The following PRKCE variants were observed in gnomAD, a reference collection of about 807,000 sequenced individuals.
PRKCE encodes the protein protein kinase C epsilon, also known as protein kinase C epsilon type.
A neutral mutation model predicts 85.4 loss-of-function variants in PRKCE; 16 were observed. The observed-to-expected ratio is 0.19, with a 90% CI of 0.13 to 0.28. The LOEUF (loss-of-function observed/expected upper bound fraction) is 0.28, where lower values mean the gene tolerates loss of function less well. Ranked by LOEUF, PRKCE falls within the 10% of genes least tolerant of loss-of-function variation. PRKCE has a pLI of 1.00. For missense variants in PRKCE, 573 were observed against 975.2 expected (o/e 0.59, Z 5.49); for synonymous variants, 388 against 371.5 (o/e 1.04, Z -0.51).
In PRKCE at chr2:45,885,000, TA is replaced by T. The variant is rs1325363332; in HGVS notation, c.412+41938del. On this transcript the variant is annotated intron_variant, in intron 2 of 14. Transcript: ENST00000306156. ...ATATATATATATATATATATATATATATTTGTTGTTGTTGTTGTTGTTTTAC... is the reference window on the plus strand; with the variant it reads ...ATATATATATATATATATATATATATTTTGTTGTTGTTGTTGTTGTTTTAC... Among the ~76,000 whole-genome samples, 250 of 72,322 alleles carry T rather than the reference TA, an allele frequency of 3.5e-3. 16 individuals carry two copies. The highest frequency in any genetic ancestry group is 9.5e-3 in the African/African-American group (202 of 21,370). 47.4% of individuals were successfully genotyped at this position (72,322 alleles called of 152,430 possible). A position where few individuals can be genotyped will look rare whatever the true frequency, so the allele number is the denominator to read the frequency against.
chr2:46,089,816 G>A (rs570538634), intron 11 of PRKCE, among the ~76,000 whole-genome samples: 4 of 152,188 alleles, frequency 2.6e-5, no homozygotes, highest in African/African-American at 7.2e-5. Flanking sequence ...TGACCTTTTG[G>A]CCCTTATCCC....
In PRKCE at chr2:46,109,723, A is replaced by G. The variant is rs139949754; in HGVS notation, c.1592+23361A>G. ...TTTCTTGTTTTATCACACTCACTAG[A>G]ACTCCAGTACAATGTTGAATAGGAA... is the stretch of plus-strand genomic sequence containing the variant. On this transcript the variant is annotated intron_variant, in intron 11 of 14. Coordinates refer to ENST00000306156, the MANE Select transcript of PRKCE (RefSeq NM_005400.3). 5.6e-3 allele frequency among the ~76,000 whole-genome samples: 858 copies of G among 152,194 alleles called. 10 individuals are homozygous for G. The highest frequency in any genetic ancestry group is 0.02 in the African/African-American group (815 of 41,536).
intron 1 of PRKCE, among the ~76,000 whole-genome samples, chr2:45,733,255 C>T (rs1253088072): frequency 1.3e-5 from 2 of 152,064 alleles, no homozygotes; most frequent in African/African-American, 4.8e-5. Context: ...CTGGCCCTGT[C>T]CTGGTACACA....
At chr2:45,939,946 C>G (rs1699759735) in intron 2 of PRKCE, among the ~76,000 whole-genome samples, 1 of 152,224 alleles carries the variant, frequency 6.6e-6, no homozygotes, top group African/African-American at 2.4e-5. Flanking sequence ...CCTCACCATA[C>G]TGGGCTGGCA....
chr2:45,877,764 T>G (rs566954615), intron 2 of PRKCE, among the ~76,000 whole-genome samples: 5 of 152,198 alleles, frequency 3.3e-5, no homozygotes, highest in Non-Finnish European at 7.3e-5. Flanking sequence ...CCTTTGAAAC[T>G]GATCCAATAG....
intron 1 of PRKCE, among the ~76,000 whole-genome samples, chr2:45,659,852 C>A (rs1236546596): frequency 8.1e-6 from 1 of 122,710 alleles, no homozygotes; most frequent in Non-Finnish European, 1.8e-5. Flanking sequence ...TTTTTTTTTA[C>A]TCTTTACTCT....
chr2:45,821,273 T>C (rs191083119), intron 1 of PRKCE, among the ~76,000 whole-genome samples: 2 of 152,288 alleles, frequency 1.3e-5, no homozygotes, highest in South Asian at 4.1e-4. Flanking sequence ...CAAGTGGAGG[T>C]AATTATCTCC....
chr2:45,690,412 A>ACACTGGTCCATATGTCAGC (rs1005413034), intron 1 of PRKCE, among the ~76,000 whole-genome samples: 16 of 152,218 alleles, frequency 1.1e-4, no homozygotes, highest in Non-Finnish European at 2.1e-4. Context: ...GGGGCTGAAA[A>ACACTGGTCCATATGTCAGC]CACTGGTCCA....
chr2:46,043,424 G>A (rs191646787), intron 10 of PRKCE, among the ~76,000 whole-genome samples: 27 of 152,228 alleles, frequency 1.8e-4, no homozygotes, highest in African/African-American at 4.6e-4. Context: ...TTTTTTTTAA[G>A]TAACATTTGA....
chr2:45,719,945 A>G (rs1052330940), intron 1 of PRKCE, among the ~76,000 whole-genome samples: 2 of 152,150 alleles, frequency 1.3e-5, no homozygotes, highest in East Asian at 1.9e-4. Flanking sequence ...AACAACGACA[A>G]CAACAACAAA....
chr2:45,901,667 C>A (rs1302763202), intron 2 of PRKCE, among the ~76,000 whole-genome samples: 1 of 152,178 alleles, frequency 6.6e-6, no homozygotes, highest in African/African-American at 2.4e-5. Flanking sequence ...CTGATTCGTA[C>A]AATGTGTTTA....
intron 2 of PRKCE, among the ~76,000 whole-genome samples, chr2:45,892,197 TG>T (rs1695772563): frequency 6.6e-6 from 1 of 152,230 alleles, no homozygotes; most frequent in African/African-American, 2.4e-5. Context: ...ACTCAGGTTC[TG>T]CTGACCTCCC....
chr2:45,787,901 A>T (rs2105063702), intron 1 of PRKCE, among the ~76,000 whole-genome samples: 1 of 152,294 alleles, frequency 6.6e-6, no homozygotes, highest in Non-Finnish European at 1.5e-5. Context: ...CATCCAGAGC[A>T]TTGCGATCCT....
chr2:46,014,619 A>G (rs1018349204), intron 10 of PRKCE, among the ~76,000 whole-genome samples: 8 of 152,368 alleles, frequency 5.3e-5, no homozygotes, highest in Middle Eastern at 3.4e-3. Context: ...ATTATGGCCT[A>G]TAATTGTTTC....
chr2:45,889,920 C>G (rs1391082559), intron 2 of PRKCE, among the ~76,000 whole-genome samples: 1 of 152,196 alleles, frequency 6.6e-6, no homozygotes, highest in East Asian at 1.9e-4. Context: ...CTCTTCTGTG[C>G]TCTTTAGGCT....
intron 1 of PRKCE, among the ~76,000 whole-genome samples, chr2:45,712,624 C>G (rs1244887025): frequency 2.6e-5 from 4 of 152,146 alleles, no homozygotes; most frequent in African/African-American, 9.7e-5. Flanking sequence ...AGTTGCATTC[C>G]CTCTATGATC....
At chr2:45,830,334 G>C (rs1690318712) in intron 1 of PRKCE, among the ~76,000 whole-genome samples, 1 of 151,862 alleles carries the variant, frequency 6.6e-6, no homozygotes, top group Non-Finnish European at 1.5e-5. Context: ...AAAACAGGAA[G>C]GCACTGCCTG....
chr2:45,771,532 A>C (rs1685328234), intron 1 of PRKCE, among the ~76,000 whole-genome samples: 1 of 152,100 alleles, frequency 6.6e-6, no homozygotes, highest in South Asian at 2.1e-4. Flanking sequence ...ACAACACAGC[A>C]CACACTCTGT....
intron 10 of PRKCE, among the ~76,000 whole-genome samples, chr2:46,053,760 ACACG>A (rs1172646335): frequency 3.6e-5 from 1 of 27,720 alleles, no homozygotes. Context: ...CTGTGGGTGG[ACACG>A]TGGGTGGACA....
Sources: allele counts gnomAD v4.1 joint callset (sites outside exome capture counted in the v4.1 genomes callset), GRCh38; gene constraint gnomAD v4.1.1; transcripts MANE v1.5; gene names NCBI Gene and HGNC (gene_info 2026-07-23, HGNC 2026-07-21).